The following PTPRK variants were observed in gnomAD, a reference collection of about 807,000 sequenced individuals.
PTPRK encodes receptor-type tyrosine-protein phosphatase kappa.
PTPRK carries 75 observed loss-of-function variants against 178.0 expected under a neutral mutation model. The observed-to-expected ratio is 0.42, with a 90% confidence interval of 0.35 to 0.51. The LOEUF is 0.51. PTPRK is among the 20% of genes least tolerant of loss of function. PTPRK has a pLI of 0.02. For missense variants in PTPRK, 1,441 were observed against 1,797.8 expected (o/e 0.80, Z 3.59); for synonymous variants, 637 against 620.6 (o/e 1.03, Z -0.39).
intron 3 of PTPRK, among the ~76,000 whole-genome samples, chr6:128,278,135 A>G (rs1821044570): frequency 7.5e-6 from 1 of 133,396 alleles, no homozygotes. Context: ...TTATTTATTT[A>G]TTTATTTATT....
chr6:128,413,323 T>A (rs750035837), intron 1 of PTPRK, among the ~76,000 whole-genome samples: 14 of 152,036 alleles, frequency 9.2e-5, no homozygotes, highest in Non-Finnish European at 1.5e-4. Context: ...TTTCATGAAT[T>A]CCATCCTACT....
intron 7 of PTPRK, among the ~76,000 whole-genome samples, chr6:128,110,923 G>A (rs1024933615): frequency 6.6e-6 from 1 of 152,140 alleles, no homozygotes; most frequent in African/African-American, 2.4e-5. Flanking sequence ...TTCAGGTGGT[G>A]TGCCCAAATA....
chr6:127,978,375 T>G (rs1398584689), intron 25 of PTPRK, among the ~76,000 whole-genome samples: 2 of 152,098 alleles, frequency 1.3e-5, no homozygotes, highest in African/African-American at 2.4e-5. Context: ...TCTCATGACA[T>G]CTGGTGGTTT....
intron 6 of PTPRK, among the ~76,000 whole-genome samples, chr6:128,193,757 TG>T (rs1279364016): frequency 6.6e-6 from 1 of 152,132 alleles, no homozygotes; most frequent in African/African-American, 2.4e-5. Context: ...TGCATTACCA[TG>T]GCGTTTTATT....
intron 1 of PTPRK, among the ~76,000 whole-genome samples, chr6:128,481,016 T>A (rs999338961): frequency 3.3e-5 from 5 of 151,976 alleles, no homozygotes; most frequent in African/African-American, 1.2e-4. Flanking sequence ...TTGGTACACA[T>A]ACCATACCCT....
chr6:128,163,990 G>A (rs940210523), intron 7 of PTPRK, among the ~76,000 whole-genome samples: 1 of 151,362 alleles, frequency 6.6e-6, no homozygotes, highest in Non-Finnish European at 1.5e-5. Flanking sequence ...TCATGGACAT[G>A]CATAGTAAGA....
At position 128,322,102 on chromosome 6, in the gene PTPRK, G is replaced by A; in HGVS notation, c.432C>T (p.Phe144=). 6.2e-7 allele frequency: 1 copy of A among 1,613,890 alleles called. No individual in the cohort carries two copies. Among genetic ancestry groups the A allele is most frequent in the Non-Finnish European group, 8.5e-7 (1 of 1,179,894 alleles). The change falls in exon 3 of 30, where the codon TTC becomes TTT. Residue 144 remains phenylalanine, a synonymous_variant. Coordinates refer to ENST00000368226, the MANE Select transcript of PTPRK (RefSeq NM_002844.4). ...CAGCCCGAAGCCAATCTCTACCCGT[G>A]AATCCAGTCACATTCCAAATTGGAT... ...LANPIWNVTG[F]TGRDWLRAEL...
At chr6:128,029,780 A>T (rs1468057719) in intron 13 of PTPRK, among the ~76,000 whole-genome samples, 1 of 152,014 alleles carries the variant, frequency 6.6e-6, no homozygotes, top group African/African-American at 2.4e-5. Context: ...TCTTCAAAAT[A>T]CTTGTAAAGC....
chr6:128,077,941 T>G (rs1230471596), intron 11 of PTPRK, among the ~76,000 whole-genome samples: 1 of 151,968 alleles, frequency 6.6e-6, no homozygotes, highest in Admixed American at 6.6e-5. Context: ...AAGGAACAAT[T>G]CGGGAATTAA....
At chr6:128,190,196 T>C (rs1458146824) in intron 6 of PTPRK, among the ~76,000 whole-genome samples, 1 of 152,162 alleles carries the variant, frequency 6.6e-6, no homozygotes, top group East Asian at 1.9e-4. Flanking sequence ...TCTCCTACAC[T>C]GCCAGTTTAA....
chr6:128,362,822 A>G (rs1834955948), intron 2 of PTPRK, among the ~76,000 whole-genome samples: 1 of 152,308 alleles, frequency 6.6e-6, no homozygotes, highest in Admixed American at 6.5e-5. Context: ...ATTACAGAAT[A>G]TAAATATAAA....
At chr6:128,182,527 T>G (rs189054446) in intron 7 of PTPRK, among the ~76,000 whole-genome samples, 81 of 152,154 alleles carry the variant, frequency 5.3e-4, no homozygotes, top group Middle Eastern at 3.4e-3. Context: ...TGAGCCAAGA[T>G]CACGCCACTG....
In PTPRK at chr6:128,222,184, C is replaced by T. The variant is rs536152349; in HGVS notation, c.694-3088G>A. Among the ~76,000 whole-genome samples the T allele has an allele frequency of 7.9e-5, 12 of 152,318 alleles. No individual in the cohort carries two copies. In the East Asian group the frequency reaches 2.3e-3, roughly 29 times the overall value. ...TTCTCACACTATGCCTTTCAAAACC[C>T]TTCTCTTGTGAAGAGATTCTGAGTA... is the stretch of plus-strand genomic sequence containing the variant. On this transcript the variant is annotated intron_variant, in intron 5 of 29. Transcript: ENST00000368226.
intron 3 of PTPRK, among the ~76,000 whole-genome samples, chr6:128,261,447 A>T (rs924738903): frequency 6.6e-6 from 1 of 152,204 alleles, no homozygotes. Flanking sequence ...ATATTTTATT[A>T]TAATTTCTTT....
chr6:128,233,142 C>T (rs1812587782), intron 5 of PTPRK, among the ~76,000 whole-genome samples: 3 of 152,122 alleles, frequency 2.0e-5, no homozygotes, highest in Admixed American at 2.0e-4. Flanking sequence ...ATTAAATATG[C>T]TGCAAACATC....
chr6:128,382,130 C>CA (rs1838002369), intron 2 of PTPRK, among the ~76,000 whole-genome samples: 1 of 106,542 alleles, frequency 9.4e-6, no homozygotes. Context: ...CAAGCCTGGG[C>CA]AACAGAGCAA....
chr6:128,479,993 CT>C (rs1851855214), intron 1 of PTPRK, among the ~76,000 whole-genome samples: 1 of 152,152 alleles, frequency 6.6e-6, no homozygotes, highest in Non-Finnish European at 1.5e-5. Flanking sequence ...CTCAGATTCC[CT>C]TTGCCTTTCC....
At chr6:128,484,504 T>C (rs1282221008) in intron 1 of PTPRK, among the ~76,000 whole-genome samples, 1 of 152,182 alleles carries the variant, frequency 6.6e-6, no homozygotes, top group African/African-American at 2.4e-5. Flanking sequence ...TTTGAATAAG[T>C]CTGAGTTTGT....
rs565484166 is a variant in PTPRK, at chr6:128,009,787, A to T, written c.2195-519T>A. 5.5e-4 allele frequency among the ~76,000 whole-genome samples: 83 copies of T among 151,348 alleles called. 1 individual carries two copies. The highest frequency in any genetic ancestry group is 1.7e-3 in the African/African-American group (70 of 41,442). Reference sequence around the variant, plus strand: ...GATTTAATATATATAATTTGAGATGAATAGTTGAGTTGGCACAAGAGAAGA... The same window carrying T: ...GATTTAATATATATAATTTGAGATGTATAGTTGAGTTGGCACAAGAGAAGA... On this transcript the variant is annotated intron_variant, in intron 13 of 29. Coordinates refer to ENST00000368226, the MANE Select transcript of PTPRK (RefSeq NM_002844.4).
Sources: allele counts gnomAD v4.1 joint callset (sites outside exome capture counted in the v4.1 genomes callset), GRCh38; gene constraint gnomAD v4.1.1; transcripts MANE v1.5; gene names NCBI Gene and HGNC (gene_info 2026-07-23, HGNC 2026-07-21).